Variants in CCDC171 observed in about 807,000 individuals in gnomAD.
The protein encoded by CCDC171 is coiled-coil domain containing 171.
A neutral mutation model predicts 168.2 loss-of-function variants in CCDC171; 177 were observed. The ratio of observed to expected loss-of-function variants is 1.05; its 90% CI spans 0.93 to 1.19. CCDC171 has a LOEUF of 1.19. Among genes scored for constraint, CCDC171 ranks in the 50% most tolerant of loss-of-function variants. The pLI, the probability that CCDC171 is intolerant of heterozygous loss-of-function variation, is 0.00. For missense variants in CCDC171, 1,991 were observed against 1,539.0 expected, an observed-to-expected ratio of 1.29 and a Z score of -4.91; for synonymous variants, 687 against 540.8, an observed-to-expected ratio of 1.27 and a Z score of -3.75.
intron 1 of CCDC171, among the ~76,000 whole-genome samples, chr9:16,056,922 A>G (rs920837554): frequency 6.6e-6 from 1 of 152,236 alleles, no homozygotes; most frequent in Non-Finnish European, 1.5e-5. Flanking sequence ...TAATGTAGAA[A>G]TGAGTTTGGA....
intron 8 of CCDC171, among the ~76,000 whole-genome samples, chr9:16,037,385 C>T (rs577318736): frequency 1.3e-5 from 2 of 152,140 alleles, no homozygotes; most frequent in Non-Finnish European, 1.5e-5. Flanking sequence ...ACGTCCTCAA[C>T]CCAGACCACA....
intron 25 of CCDC171, among the ~76,000 whole-genome samples, chr9:15,952,912 A>G (rs918244399): frequency 6.6e-6 from 1 of 152,052 alleles, no homozygotes; most frequent in Non-Finnish European, 1.5e-5. Flanking sequence ...GGTTAATTTA[A>G]TGCCTAGGTA....
In CCDC171 at chr9:15,591,638, TTTCC is replaced by T. The variant is rs199560053; in HGVS notation, c.543+93_543+96del. Reference sequence around the variant, plus strand: ...GTACATTACTTGAAGTTATCCTGGATTTCCTTCCTTCCTTTTTCCTTCCTCCTTC... The same window carrying T: ...GTACATTACTTGAAGTTATCCTGGATTTCCTTCCTTTTTCCTTCCTCCTTC... On this transcript the variant is annotated intron_variant, in intron 5 of 25. Coordinates refer to ENST00000380701, the MANE Select transcript of CCDC171 (RefSeq NM_173550.4). 7.1e-5 allele frequency: 58 copies of T among 818,550 alleles called. No individual in the cohort carries two copies. The East Asian group carries it at 1.5e-3, about 21-fold the overall frequency. The allele number at this position is 818,550 out of a possible 1,614,324, so 50.7% of individuals were successfully genotyped here.
intron 7 of CCDC171, among the ~76,000 whole-genome samples, chr9:15,650,134 C>A (rs2047392040): frequency 6.6e-6 from 1 of 152,248 alleles, no homozygotes; most frequent in Non-Finnish European, 1.5e-5. Flanking sequence ...TCATTCTGAG[C>A]AAACTATTGC....
chr9:16,035,813 G>T (rs1192575326), intron 7 of CCDC171, among the ~76,000 whole-genome samples: 1 of 152,148 alleles, frequency 6.6e-6, no homozygotes, highest in Non-Finnish European at 1.5e-5. Flanking sequence ...CAGTCACTGG[G>T]CTATGTTGTG....
rs756851401 is a variant in CCDC171, at chr9:15,674,324, T to G, written c.1077-4434T>G. 2.6e-5 allele frequency among the ~76,000 whole-genome samples: 4 copies of G among 152,322 alleles called. No homozygotes were observed. In the East Asian group the frequency reaches 7.7e-4, roughly 29 times the overall value. ...TTCAAAAAACGAGCTCCTGGATTCA[T>G]TGACTTTTTGAAGGGTTTTTTGTGT... is the stretch of plus-strand genomic sequence containing the variant. On this transcript the variant is annotated intron_variant, in intron 9 of 25. Coordinates refer to ENST00000380701, the MANE Select transcript of CCDC171 (RefSeq NM_173550.4).
rs542834381 is a variant in CCDC171, at chr9:15,576,403, G to A, written c.178-2446G>A. Among the ~76,000 whole-genome samples, 3 of 152,022 alleles carry A rather than the reference G, an allele frequency of 2.0e-5. No homozygotes were observed. The East Asian group carries it at 5.8e-4, about 29-fold the overall frequency. On this transcript the variant is annotated intron_variant, in intron 3 of 25. Transcript: ENST00000380701. ...GGGTCTTGCTGTGTTGCTCAGGTTG[G>A]TCTCAAACTCCTAGCCTCAAGCAAC... is the stretch of plus-strand genomic sequence containing the variant.
At chr9:15,626,122 A>G (rs1484793439) in intron 7 of CCDC171, among the ~76,000 whole-genome samples, 1 of 151,278 alleles carries the variant, frequency 6.6e-6, no homozygotes, top group East Asian at 2.0e-4. Flanking sequence ...TGTTTGTCTC[A>G]TATTGGTGTA....
downstream of CCDC171, among the ~76,000 whole-genome samples, chr9:15,975,073 C>G (rs1031506162): frequency 6.6e-6 from 1 of 152,088 alleles, no homozygotes; most frequent in South Asian, 2.1e-4. Context: ...CCTCACTGTG[C>G]ACTTTTTATA....
At chr9:15,722,227 A>G (rs1008892002) in intron 12 of CCDC171, among the ~76,000 whole-genome samples, 4 of 152,204 alleles carry the variant, frequency 2.6e-5, no homozygotes, top group South Asian at 4.1e-4. Flanking sequence ...GACATTTGGT[A>G]TAGCTACTGG....
At chr9:15,966,419 G>T (rs888854163) in intron 25 of CCDC171, among the ~76,000 whole-genome samples, 4 of 152,188 alleles carry the variant, frequency 2.6e-5, no homozygotes, top group Non-Finnish European at 5.9e-5. Flanking sequence ...GGACAGGGAA[G>T]CCAAGAGCAA....
intron 25 of CCDC171, among the ~76,000 whole-genome samples, chr9:15,926,118 A>G (rs955629967): frequency 2.6e-5 from 4 of 151,770 alleles, no homozygotes; most frequent in Middle Eastern, 3.2e-3. Context: ...TAACATTGTC[A>G]GAAGAAAGTG....
At chr9:16,076,333 G>C in the CCDC171 span, among the ~76,000 whole-genome samples, 2 of 152,158 alleles carry the variant, frequency 1.3e-5, no homozygotes, top group African/African-American at 2.4e-5. Context: ...CCCCTGCGCC[G>C]GGTTGGTTCC....
chr9:15,609,849 T>C (rs1427516203), intron 6 of CCDC171, among the ~76,000 whole-genome samples: 3 of 152,210 alleles, frequency 2.0e-5, no homozygotes, highest in African/African-American at 7.2e-5. Flanking sequence ...GTTTCAGGAA[T>C]GGCTTATTGT....
In CCDC171 at chr9:15,686,827, C is replaced by T. The variant is rs551522811; in HGVS notation, c.1215+7931C>T. ...ATAATATTTCGGGGCTTCAGTACCC[C>T]ACTTGCAGTAATGGGTAGAACAATG... On this transcript the variant is annotated intron_variant, in intron 10 of 25. Transcript: ENST00000380701. 2.2e-4 allele frequency among the ~76,000 whole-genome samples: 34 copies of T among 152,260 alleles called. No homozygotes were observed. In the South Asian group the frequency reaches 7.1e-3, roughly 32 times the overall value.
At chr9:15,995,939 C>T (rs1832356183) in intron 3 of CCDC171, among the ~76,000 whole-genome samples, 1 of 152,114 alleles carries the variant, frequency 6.6e-6, no homozygotes, top group South Asian at 2.1e-4. Context: ...CAGTGTTTTT[C>T]TATTTTTCAT....
At chr9:15,942,045 C>T (rs531332184) in intron 25 of CCDC171, among the ~76,000 whole-genome samples, 1 of 151,826 alleles carries the variant, frequency 6.6e-6, no homozygotes, top group Non-Finnish European at 1.5e-5. Flanking sequence ...CAGCCTTTCA[C>T]CTACTTGATT....
In CCDC171 at chr9:15,920,151, A is replaced by T. The variant is rs1536686; in HGVS notation, c.3601-119A>T. The stretch of plus-strand genomic sequence containing the variant: ...TGTTAGGTTTAGCTTTATTATTTTA[A>T]AGAAAGATGAAAAGTTGTTTATTTT... On this transcript the variant is annotated intron_variant, in intron 24 of 25. Coordinates refer to ENST00000380701, the MANE Select transcript of CCDC171 (RefSeq NM_173550.4). 0.8 allele frequency: 435,692 copies of T among 547,040 alleles called. 176,860 individuals are homozygous for T. The highest frequency in any genetic ancestry group is 0.85 in the East Asian group (28,094 of 32,884). 33.9% of individuals were successfully genotyped at this position (547,040 alleles called of 1,614,324 possible). A position where few individuals can be genotyped will look rare whatever the true frequency, so the allele number is the denominator to read the frequency against.
intron 8 of CCDC171, among the ~76,000 whole-genome samples, chr9:16,037,219 A>G (rs537145546): frequency 7.9e-5 from 12 of 152,374 alleles, no homozygotes; most frequent in South Asian, 2.1e-4. Flanking sequence ...TGATCATTAC[A>G]TATTGTACAC....
Sources: gnomAD v4.1 joint callset for allele counts (sites outside exome capture counted in the v4.1 genomes callset) on GRCh38, gnomAD v4.1.1 for gene constraint, MANE v1.5 for transcripts, NCBI Gene and HGNC (gene_info 2026-07-23, HGNC 2026-07-21) for gene names.